PCDH9: variants seen among roughly 807,000 people sequenced by gnomAD.
The protein encoded by PCDH9 is protocadherin 9, also known as protocadherin-9.
In PCDH9, 24 loss-of-function variants were observed where a neutral mutation model predicts 70.6. The observed-to-expected ratio is 0.34, with a 90% CI of 0.25 to 0.48. PCDH9 has a LOEUF of 0.48. Among genes scored for constraint, PCDH9 ranks in the 20% least tolerant of loss-of-function variants. PCDH9 has a pLI of 0.99. For synonymous variants in PCDH9, 562 were observed against 558.5 expected, an observed-to-expected ratio of 1.01 and a Z score of -0.09; for missense variants, 1,281 against 1,503.6, an observed-to-expected ratio of 0.85 and a Z score of 2.45.
intron 4 of PCDH9, among the ~76,000 whole-genome samples, chr13:66,374,585 G>T (rs1956717077): frequency 6.6e-6 from 1 of 151,886 alleles, no homozygotes; most frequent in African/African-American, 2.4e-5. Context: ...TGAGGACGTT[G>T]TCATAAAATT....
At chr13:66,630,504 C>T (rs565487620) in intron 4 of PCDH9, among the ~76,000 whole-genome samples, 174 of 152,208 alleles carry the variant, frequency 1.1e-3, no homozygotes, top group African/African-American at 3.9e-3. Flanking sequence ...AAAACACCCC[C>T]CAACAATGCT....
intron 4 of PCDH9, among the ~76,000 whole-genome samples, chr13:66,419,586 T>C (rs1157364650): frequency 6.6e-6 from 1 of 151,834 alleles, no homozygotes; most frequent in Non-Finnish European, 1.5e-5. Flanking sequence ...AGGGAAGCCA[T>C]GAGGGACTGT....
intron 2 of PCDH9, among the ~76,000 whole-genome samples, chr13:66,904,395 A>T (rs2082326138): frequency 6.6e-6 from 1 of 151,972 alleles, no homozygotes; most frequent in South Asian, 2.1e-4. Flanking sequence ...TTCTTTTCTA[A>T]ATCTTTTATT....
intron 2 of PCDH9, among the ~76,000 whole-genome samples, chr13:67,100,307 G>A (rs2138237071): frequency 6.6e-6 from 1 of 152,250 alleles, no homozygotes; most frequent in East Asian, 1.9e-4. Flanking sequence ...TGAGTGCTCA[G>A]TATGTACTGG....
At chr13:67,161,087 T>C (rs1447875162) in intron 2 of PCDH9, among the ~76,000 whole-genome samples, 1 of 152,172 alleles carries the variant, frequency 6.6e-6, no homozygotes, top group African/African-American at 2.4e-5. Flanking sequence ...ACAGTACAAT[T>C]AATAGAATAA....
At chr13:66,807,568 C>T (rs1370569566) in intron 3 of PCDH9, among the ~76,000 whole-genome samples, 2 of 152,102 alleles carry the variant, frequency 1.3e-5, no homozygotes, top group African/African-American at 2.4e-5. Flanking sequence ...GGAATAACTA[C>T]TGTTTTAATG....
chr13:67,071,888 C>CAAAAAAAGAAAA (rs2085771515), intron 2 of PCDH9, among the ~76,000 whole-genome samples: 1 of 86,688 alleles, frequency 1.2e-5, no homozygotes, highest in Non-Finnish European at 2.3e-5. Context: ...GACTTTGTCT[C>CAAAAAAAGAAAA]AAAAAAAAAA....
intron 2 of PCDH9, among the ~76,000 whole-genome samples, chr13:67,130,316 C>A (rs1385739964): frequency 6.6e-6 from 1 of 151,800 alleles, no homozygotes; most frequent in Non-Finnish European, 1.5e-5. Context: ...AACAAAAATG[C>A]AAAACTTTAA....
chr13:66,405,780 G>C (rs1046055748), intron 4 of PCDH9, among the ~76,000 whole-genome samples: 7 of 152,186 alleles, frequency 4.6e-5, no homozygotes, highest in African/African-American at 1.7e-4. Flanking sequence ...AAACCTTGGA[G>C]TCTTATAAAT....
At chr13:67,106,103 G>A (rs1443436224) in intron 2 of PCDH9, among the ~76,000 whole-genome samples, 3 of 152,002 alleles carry the variant, frequency 2.0e-5, no homozygotes, top group African/African-American at 7.3e-5. Flanking sequence ...ATTGATGTTA[G>A]AATTAAGGGA....
intron 3 of PCDH9, among the ~76,000 whole-genome samples, chr13:66,881,899 G>A (rs1462197039): frequency 6.6e-6 from 1 of 152,178 alleles, no homozygotes; most frequent in African/African-American, 2.4e-5. Context: ...GTTTATCTAA[G>A]ATAACCTTAA....
intron 2 of PCDH9, among the ~76,000 whole-genome samples, chr13:67,067,604 C>CT (rs71110627): frequency 0.36 from 55,188 of 151,370 alleles, 10,946 homozygotes; most frequent in East Asian, 0.58. Flanking sequence ...TTTTTAAATA[C>CT]TTTTTTTAAA....
intron 3 of PCDH9, among the ~76,000 whole-genome samples, chr13:66,762,966 AT>A (rs982770152): frequency 0.013 from 1,928 of 150,534 alleles, 58 homozygotes; most frequent in African/African-American, 0.043. Context: ...TAATAAGACT[AT>A]TTTTTTTTGA....
chr13:67,219,081 C>T (rs1304239891), intron 2 of PCDH9: 1 of 151,930 alleles, frequency 6.6e-6, no homozygotes, highest in Non-Finnish European at 1.5e-5. Flanking sequence ...CTATTCTTGT[C>T]TATCAGAGAC....
chr13:66,344,199 G>A (rs1192955337), intron 4 of PCDH9, among the ~76,000 whole-genome samples: 20 of 152,090 alleles, frequency 1.3e-4, no homozygotes, highest in Admixed American at 1.3e-3. Context: ...CTAGAGTGCA[G>A]TGGCACAATC....
At chr13:66,333,173 C>T (rs763540357) in intron 4 of PCDH9, among the ~76,000 whole-genome samples, 2 of 152,058 alleles carry the variant, frequency 1.3e-5, no homozygotes, top group Non-Finnish European at 2.9e-5. Flanking sequence ...GAGCTTTTAT[C>T]TAAGGTAAGA....
intron 4 of PCDH9, among the ~76,000 whole-genome samples, chr13:66,518,243 G>A (rs573114695): frequency 6.6e-6 from 1 of 152,144 alleles, no homozygotes; most frequent in East Asian, 1.9e-4. Context: ...CAGAGCAATA[G>A]CTTACTTATT....
chr13:67,003,902 C>G (rs73211162), intron 2 of PCDH9, among the ~76,000 whole-genome samples: 1 of 152,124 alleles, frequency 6.6e-6, no homozygotes, highest in Non-Finnish European at 1.5e-5. Flanking sequence ...AGTTCTGTAT[C>G]CTGCTAGTCT....
intron 3 of PCDH9, among the ~76,000 whole-genome samples, chr13:66,892,099 C>T (rs1377367106): frequency 6.6e-6 from 1 of 151,222 alleles, no homozygotes; most frequent in Non-Finnish European, 1.5e-5. Context: ...CCCTATGAAT[C>T]TAACTAGCTA....
Sources: allele counts gnomAD v4.1 joint callset (sites outside exome capture counted in the v4.1 genomes callset), GRCh38; gene constraint gnomAD v4.1.1; transcripts MANE v1.5; gene names NCBI Gene and HGNC (gene_info 2026-07-23, HGNC 2026-07-21).